The following GPC5 variants were observed in gnomAD, a reference collection of about 807,000 sequenced individuals.
GPC5 encodes glypican 5, also known as glypican-5.
A neutral mutation model predicts 53.9 loss-of-function variants in GPC5; 47 were observed. The ratio of observed to expected loss-of-function variants is 0.87; its 90% CI spans 0.69 to 1.11. GPC5 has a LOEUF of 1.11. Ranked by LOEUF, GPC5 falls within the 50% of genes most tolerant of loss-of-function variation. The pLI is 0.00. For synonymous variants in GPC5, 286 were observed against 263.3 expected, an observed-to-expected ratio of 1.09 and a Z score of -0.84; for missense variants, 748 against 713.1, an observed-to-expected ratio of 1.05 and a Z score of -0.56.
chr13:91,861,053 A>G (rs9560872), intron 5 of GPC5, among the ~76,000 whole-genome samples: 4,673 of 152,244 alleles, frequency 0.031, 269 homozygotes, highest in East Asian at 0.22. Context: ...TTGATTTCGA[A>G]TTAAATTTTA....
intron 2 of GPC5, among the ~76,000 whole-genome samples, chr13:91,454,515 A>G (rs921077276): frequency 1.3e-5 from 2 of 152,084 alleles, no homozygotes; most frequent in African/African-American, 2.4e-5. Flanking sequence ...AATCTTTTCA[A>G]TGTAAGAACT....
intron 6 of GPC5, among the ~76,000 whole-genome samples, chr13:92,090,391 A>G (rs1285252585): frequency 1.3e-5 from 2 of 152,096 alleles, no homozygotes; most frequent in Non-Finnish European, 2.9e-5. Context: ...ATGATGGTAG[A>G]GCCCTCATGA....
chr13:92,223,582 T>C (rs2042464113), intron 7 of GPC5, among the ~76,000 whole-genome samples: 2 of 152,182 alleles, frequency 1.3e-5, no homozygotes, highest in South Asian at 4.1e-4. Flanking sequence ...ATGTTTCAAG[T>C]GATCAGCATA....
intron 1 of GPC5, among the ~76,000 whole-genome samples, chr13:91,415,486 G>C (rs1011607471): frequency 1.3e-5 from 2 of 152,188 alleles, no homozygotes; most frequent in African/African-American, 4.8e-5. Flanking sequence ...TAGACCTGGT[G>C]TTTCACTTCA....
intron 6 of GPC5, among the ~76,000 whole-genome samples, chr13:92,113,090 TA>T (rs1449821761): frequency 6.6e-6 from 1 of 152,164 alleles, no homozygotes; most frequent in Non-Finnish European, 1.5e-5. Flanking sequence ...GGTACCTTTT[TA>T]AATTTCCATT....
chr13:91,462,584 G>A (rs1481863770), intron 2 of GPC5, among the ~76,000 whole-genome samples: 5 of 152,090 alleles, frequency 3.3e-5, no homozygotes, highest in Non-Finnish European at 7.4e-5. Flanking sequence ...ATATCGTTGC[G>A]TATCTGTAAG....
At chr13:91,908,678 A>T (rs954575422) in intron 6 of GPC5, among the ~76,000 whole-genome samples, 13 of 152,118 alleles carry the variant, frequency 8.5e-5, no homozygotes, top group Admixed American at 4.6e-4. Flanking sequence ...TCACTGAAAT[A>T]GTCTATTAAT....
chr13:91,629,117 A>G (rs2034088372), intron 2 of GPC5, among the ~76,000 whole-genome samples: 3 of 152,124 alleles, frequency 2.0e-5, no homozygotes, highest in African/African-American at 7.2e-5. Context: ...CTTTTTAAGT[A>G]TTATCTATGT....
At chr13:92,169,490 T>G (rs2042054424) in intron 7 of GPC5, among the ~76,000 whole-genome samples, 1 of 152,218 alleles carries the variant, frequency 6.6e-6, no homozygotes, top group Non-Finnish European at 1.5e-5. Flanking sequence ...TCAAAGACAG[T>G]GTTATAATTA....
chr13:91,754,919 A>G (rs1275828852), intron 4 of GPC5, among the ~76,000 whole-genome samples: 2 of 152,146 alleles, frequency 1.3e-5, no homozygotes, highest in Admixed American at 1.3e-4. Flanking sequence ...TTTATCACTT[A>G]TCTGGTCCAT....
chr13:92,601,942 A>G (rs1397772460), intron 7 of GPC5, among the ~76,000 whole-genome samples: 1 of 151,502 alleles, frequency 6.6e-6, no homozygotes, highest in African/African-American at 2.4e-5. Flanking sequence ...TATTACTACT[A>G]TTGTACTGAA....
chr13:92,399,838 A>C (rs1594169235), intron 7 of GPC5, among the ~76,000 whole-genome samples: 1 of 152,156 alleles, frequency 6.6e-6, no homozygotes, highest in African/African-American at 2.4e-5. Context: ...TCTTCAACTA[A>C]AAAACTAAGT....
In GPC5 at chr13:92,198,052, T is replaced by A. The variant is rs1026372305; in HGVS notation, c.1561+53063T>A. On this transcript the variant is annotated intron_variant, in intron 7 of 7. Coordinates refer to ENST00000377067, the MANE Select transcript of GPC5 (RefSeq NM_004466.6). ...TGCCTGACTCTGGACCTGAGGCTTCTTATCTTCTCAGTCTAAAGTCAAATA... is the reference window on the plus strand; with the variant it reads ...TGCCTGACTCTGGACCTGAGGCTTCATATCTTCTCAGTCTAAAGTCAAATA... Among the ~76,000 whole-genome samples, 3 of 152,198 alleles carry A rather than the reference T, an allele frequency of 2.0e-5. No individual in the cohort carries two copies. In the East Asian group the frequency reaches 5.8e-4, roughly 29 times the overall value.
intron 7 of GPC5, among the ~76,000 whole-genome samples, chr13:92,795,188 T>C (rs1566422125): frequency 2.0e-5 from 3 of 152,146 alleles, no homozygotes; most frequent in South Asian, 4.1e-4. Flanking sequence ...AAAACAGATA[T>C]ATAGACCAAT....
At chr13:92,706,383 C>G (rs995813797) in intron 7 of GPC5, among the ~76,000 whole-genome samples, 1 of 151,722 alleles carries the variant, frequency 6.6e-6, no homozygotes, top group Non-Finnish European at 1.5e-5. Context: ...ATATATTGGT[C>G]TGATCATCTG....
chr13:92,399,737 G>T (rs966937931), intron 7 of GPC5, among the ~76,000 whole-genome samples: 10 of 152,128 alleles, frequency 6.6e-5, no homozygotes, highest in African/African-American at 1.7e-4. Context: ...AGAAACTGCT[G>T]CTCCTTAAGA....
At chr13:92,857,369 A>G (rs1276836013) in intron 7 of GPC5, among the ~76,000 whole-genome samples, 1 of 152,178 alleles carries the variant, frequency 6.6e-6, no homozygotes. Context: ...AAAATCCCAG[A>G]AGAAAACATA....
chr13:92,694,986 T>A (rs1243927834), intron 7 of GPC5, among the ~76,000 whole-genome samples: 1 of 152,162 alleles, frequency 6.6e-6, no homozygotes, highest in Non-Finnish European at 1.5e-5. Flanking sequence ...TGTTTAAAAG[T>A]GTTTGACAGT....
At chr13:92,662,294 G>T (rs544945614) in intron 7 of GPC5, among the ~76,000 whole-genome samples, 2 of 152,096 alleles carry the variant, frequency 1.3e-5, no homozygotes, top group African/African-American at 2.4e-5. Flanking sequence ...ATTTTCAATT[G>T]CAATATGAAT....
Sources: gnomAD v4.1 joint callset for allele counts (sites outside exome capture counted in the v4.1 genomes callset) on GRCh38, gnomAD v4.1.1 for gene constraint, MANE v1.5 for transcripts, NCBI Gene and HGNC (gene_info 2026-07-23, HGNC 2026-07-21) for gene names.